Variants in HIF1A observed in about 807,000 individuals in gnomAD.
HIF1A encodes hypoxia inducible factor 1 subunit alpha.
HIF1A carries 24 observed loss-of-function variants against 92.7 expected under a neutral mutation model. The ratio of observed to expected loss-of-function variants is 0.26; its 90% CI spans 0.19 to 0.36. The LOEUF (loss-of-function observed/expected upper bound fraction) is 0.36, where lower values mean the gene tolerates loss of function less well. Among genes scored for constraint, HIF1A ranks in the 10% least tolerant of loss-of-function variants. The pLI is 1.00. For synonymous variants in HIF1A, 319 were observed against 338.7 expected, an observed-to-expected ratio of 0.94 and a Z score of 0.64; for missense variants, 799 against 998.5, an observed-to-expected ratio of 0.80 and a Z score of 2.69.
intron 1 of HIF1A, among the ~76,000 whole-genome samples, chr14:61,696,210 A>G (rs1234467518): frequency 6.6e-6 from 1 of 152,188 alleles, no homozygotes; most frequent in Non-Finnish European, 1.5e-5. Context: ...CCGGGAAGAG[A>G]AATGAGCTGC....
At chr14:61,711,075 G>A (rs553802031) in intron 1 of HIF1A, among the ~76,000 whole-genome samples, 2 of 148,816 alleles carry the variant, frequency 1.3e-5, no homozygotes, top group Admixed American at 1.3e-4. Context: ...AAGGCAATAG[G>A]ATTAGGTATC....
chr14:61,697,774 AT>A, intron 1 of HIF1A: 1 of 1,441,334 alleles, frequency 6.9e-7, no homozygotes. Flanking sequence ...TTTCTAACTA[AT>A]TTACAGTTTT....
At chr14:61,709,577 T>C (rs1200650521) in intron 1 of HIF1A, among the ~76,000 whole-genome samples, 2 of 152,178 alleles carry the variant, frequency 1.3e-5, no homozygotes, top group Non-Finnish European at 2.9e-5. Context: ...TCTTTAATTA[T>C]GGATATTTAA....
chr14:61,743,409 A>C (rs1043015016), intron 12 of HIF1A, among the ~76,000 whole-genome samples: 1 of 152,170 alleles, frequency 6.6e-6, no homozygotes, highest in African/African-American at 2.4e-5. Context: ...TGTAGTGTAC[A>C]CTGAAAACTT....
chr14:61,695,597 A>G lies in HIF1A; in HGVS notation c.-208A>G. The G allele has an allele frequency of 1.7e-6, 1 of 600,830 alleles. No individual in the cohort carries two copies. Among genetic ancestry groups the G allele is most frequent in the Non-Finnish European group, 2.9e-6 (1 of 340,824 alleles). 37.2% of individuals were successfully genotyped at this position (600,830 alleles called of 1,614,324 possible). ...CAGTGTGTCGGGCTGGGCCCTGACA[A>G]GCCACCTGAGGAGAGGCTCGGAGCC... On this transcript the variant is annotated 5_prime_UTR_variant, in exon 1 of 15. Coordinates refer to ENST00000337138, the MANE Select transcript of HIF1A (RefSeq NM_001530.4).
At chr14:61,726,601 T>C (rs1398272239) in intron 4 of HIF1A, 105 bp from the exon 5 acceptor site, 8 of 625,026 alleles carry the variant, frequency 1.3e-5, no homozygotes, top group East Asian at 2.9e-5. Context: ...TGAGACTTAA[T>C]TGAACGGGTA....
At chr14:61,741,255 C>A in intron 12 of HIF1A, 67 bp downstream of exon 12, 1 of 1,151,588 alleles carries the variant, frequency 8.7e-7, no homozygotes, top group Non-Finnish European at 1.2e-6. Context: ...TGTGATAGTA[C>A]ATGATTTTTA....
At chr14:61,738,782 T>C (rs145422484) in intron 10 of HIF1A, among the ~76,000 whole-genome samples, 2 of 152,346 alleles carry the variant, frequency 1.3e-5, no homozygotes, top group Admixed American at 6.5e-5. Flanking sequence ...AGAGTCTCAC[T>C]ATCACCCAGG....
chr14:61,729,167 A>C (rs2140144382), intron 6 of HIF1A, among the ~76,000 whole-genome samples: 1 of 152,226 alleles, frequency 6.6e-6, no homozygotes, highest in East Asian at 1.9e-4. Context: ...CTTATCTATA[A>C]AATAAGAATC....
intron 12 of HIF1A, among the ~76,000 whole-genome samples, chr14:61,742,608 G>A (rs913058729): frequency 9.2e-5 from 14 of 152,262 alleles, no homozygotes; most frequent in African/African-American, 2.6e-4. Context: ...TGTTGAGGCA[G>A]GGCGCAGTGG....
rs1180752126 is a variant in HIF1A at position 61,727,446 on chromosome 14, T to TAC, written c.571-3_571-2dup. 1 of 1,603,424 alleles carries TAC rather than the reference T, an allele frequency of 6.2e-7. No homozygotes were observed. The highest frequency in any genetic ancestry group is 1.1e-5 in the South Asian group (1 of 90,880). On this transcript the variant is annotated splice_polypyrimidine_tract_variant and splice_region_variant and intron_variant, in intron 5 of 14. Coordinates refer to ENST00000337138, the MANE Select transcript of HIF1A (RefSeq NM_001530.4). The stretch of plus-strand genomic sequence containing the variant: ...TTTTTTTTAACTGCTTTGTTCTTCA[T>TAC]ACACAGGTATTGCACTGCACAGGCC...
At chr14:61,697,952 T>C in intron 1 of HIF1A, 12 of 1,499,248 alleles carry the variant, frequency 8.0e-6, no homozygotes, top group Non-Finnish European at 1.1e-5. Context: ...GAATAGAAAA[T>C]GGGTATGGTT....
Position 61,740,637 on chromosome 14 carries a change from CTTAT to C in HIF1A, c.1659+13_1659+16del. The C allele has an allele frequency of 3.2e-6, 5 of 1,577,078 alleles. No homozygotes were observed. The highest frequency in any genetic ancestry group is 4.3e-6 in the Non-Finnish European group (5 of 1,167,490). On this transcript the variant is annotated intron_variant, in intron 11 of 14. Coordinates refer to ENST00000337138, the MANE Select transcript of HIF1A (RefSeq NM_001530.4). ...CCCATTTTCTACTCAGGTATATGAA[CTTAT>C]TTGTTTTATATTAAATTTCATTAAT...
intron 1 of HIF1A, among the ~76,000 whole-genome samples, chr14:61,696,281 G>T (rs560988979): frequency 3.9e-5 from 6 of 152,358 alleles, no homozygotes; most frequent in African/African-American, 1.4e-4. Flanking sequence ...ATCCTCTCCA[G>T]TTCCATTGAA....
intron 12 of HIF1A, among the ~76,000 whole-genome samples, chr14:61,742,907 A>AAAAAAAAAAAAAAAAAAAG (rs71117851): frequency 9.4e-6 from 1 of 105,918 alleles, no homozygotes; most frequent in Non-Finnish European, 1.8e-5. Context: ...AAAAAAAAAA[A>AAAAAAAAAAAAAAAAAAAG]GTTGTTGGAC....
In HIF1A at chr14:61,748,230, C is replaced by T. The variant is rs765677998; in HGVS notation, c.*1145C>T. 1.3e-5 allele frequency: 2 copies of T among 152,484 alleles called. No individual in the cohort carries two copies. The highest frequency in any genetic ancestry group is 2.9e-5 in the Non-Finnish European group (2 of 67,950). The allele number at this position is 152,484 out of a possible 1,614,324, so 9.4% of individuals were successfully genotyped here. The stretch of plus-strand genomic sequence containing the variant: ...TAACACTAACTGTATTGTTTTGTTA[C>T]ATCAAATAAACATCTTCTGTGGACC... On this transcript the variant is annotated 3_prime_UTR_variant, in exon 15 of 15. Transcript: ENST00000337138.
intron 8 of HIF1A, among the ~76,000 whole-genome samples, chr14:61,736,263 C>T (rs1197519789): frequency 6.6e-6 from 1 of 152,192 alleles, no homozygotes; most frequent in Non-Finnish European, 1.5e-5. Flanking sequence ...AGGCATGAGC[C>T]ACCACGCCCA....
rs553738384 is a variant in HIF1A, at chr14:61,717,678, G to A, written c.36-2704G>A. Among the ~76,000 whole-genome samples, 10 of 152,224 alleles carry A rather than the reference G, an allele frequency of 6.6e-5. No homozygotes were observed. In the South Asian group the frequency reaches 2.1e-3, roughly 32 times the overall value. On this transcript the variant is annotated intron_variant, in intron 1 of 14. Coordinates refer to ENST00000337138, the MANE Select transcript of HIF1A (RefSeq NM_001530.4). Reference sequence around the variant, plus strand: ...CATTGCTATCTTTGAAGTTCTGGACGATACGTGTATTACAGAGGAACTGGA... The same window carrying A: ...CATTGCTATCTTTGAAGTTCTGGACAATACGTGTATTACAGAGGAACTGGA...
At chr14:61,698,247 C>G (rs939845857) in intron 1 of HIF1A, among the ~76,000 whole-genome samples, 1 of 152,154 alleles carries the variant, frequency 6.6e-6, no homozygotes, top group Admixed American at 6.5e-5. Flanking sequence ...AACTTTTCTC[C>G]TTATGATTCT....
Sources: gnomAD v4.1 joint callset for allele counts (sites outside exome capture counted in the v4.1 genomes callset) on GRCh38, gnomAD v4.1.1 for gene constraint, MANE v1.5 for transcripts, NCBI Gene and HGNC (gene_info 2026-07-23, HGNC 2026-07-21) for gene names.